Variants in CLSTN2 observed in about 807,000 individuals in gnomAD.
The protein encoded by CLSTN2 is calsyntenin 2.
In CLSTN2, 48 loss-of-function variants were observed where a neutral mutation model predicts 101.2. That is an observed-to-expected ratio of 0.47 (90% confidence interval 0.38 to 0.60). The LOEUF (loss-of-function observed/expected upper bound fraction) is 0.60, where lower values mean the gene tolerates loss of function less well. Among genes scored for constraint, CLSTN2 ranks in the 20% least tolerant of loss-of-function variants. CLSTN2 has a pLI of 0.00. For synonymous variants in CLSTN2, 481 were observed against 463.6 expected, an observed-to-expected ratio of 1.04 and a Z score of -0.48; for missense variants, 1,160 against 1,238.2, an observed-to-expected ratio of 0.94 and a Z score of 0.95.
intron 1 of CLSTN2, among the ~76,000 whole-genome samples, chr3:140,174,137 C>T (rs1362696588): frequency 1.3e-5 from 2 of 152,210 alleles, no homozygotes; most frequent in South Asian, 2.1e-4. Flanking sequence ...CCCAAGTCAT[C>T]TCTTGAATGC....
intron 1 of CLSTN2, among the ~76,000 whole-genome samples, chr3:140,137,699 T>C (rs2009635876): frequency 6.6e-6 from 1 of 152,232 alleles, no homozygotes; most frequent in South Asian, 2.1e-4. Flanking sequence ...ATTTACATAA[T>C]GCTTTGCCGT....
intron 8 of CLSTN2, among the ~76,000 whole-genome samples, chr3:140,500,519 A>G (rs1004765076): frequency 6.6e-6 from 1 of 152,208 alleles, no homozygotes; most frequent in African/African-American, 2.4e-5. Context: ...TCTGAATCAG[A>G]GGAGTGTTGG....
chr3:140,325,508 A>C lies in CLSTN2; in HGVS notation c.233-78121A>C, dbSNP rs777643876. Among the ~76,000 whole-genome samples, 199 of 152,364 alleles carry C rather than the reference A, an allele frequency of 1.3e-3. 1 individual carries two copies. The highest frequency in any genetic ancestry group is 1.7e-3 in the Non-Finnish European group (118 of 68,038). The stretch of plus-strand genomic sequence containing the variant: ...TTAAGAAGCCAAATGTATTGTAAAA[A>C]GTAAAAGTGGAGGTTCCTCTTCAAA... On this transcript the variant is annotated intron_variant, in intron 2 of 16. Coordinates refer to ENST00000458420, the MANE Select transcript of CLSTN2 (RefSeq NM_022131.3).
intron 2 of CLSTN2, among the ~76,000 whole-genome samples, chr3:140,382,984 C>A (rs1391084061): frequency 2.6e-5 from 4 of 152,038 alleles, no homozygotes; most frequent in Non-Finnish European, 5.9e-5. Flanking sequence ...CAGACCACAG[C>A]AATAACCCTG....
chr3:140,241,902 CACATAT>C lies in CLSTN2; in HGVS notation c.232+65831_232+65836del, dbSNP rs1559816801. On this transcript the variant is annotated intron_variant, in intron 2 of 16. Transcript: ENST00000458420. ...ATATACACACACACACACACACACACACATATATATATATATATAATTTGACACAGA... is the reference window on the plus strand; with the variant it reads ...ATATACACACACACACACACACACACATATATATATATAATTTGACACAGA... Among the ~76,000 whole-genome samples the C allele has an allele frequency of 2.4e-4, 36 of 149,908 alleles. No individual in the cohort carries two copies. In the South Asian group the frequency reaches 3.0e-3, roughly 12 times the overall value.
In CLSTN2 at chr3:140,503,079, T is replaced by A. The variant is rs149297956; in HGVS notation, c.1345-29245T>A. On this transcript the variant is annotated intron_variant, in intron 8 of 16. Coordinates refer to ENST00000458420, the MANE Select transcript of CLSTN2 (RefSeq NM_022131.3). The stretch of plus-strand genomic sequence containing the variant: ...ATCTTTAAGGTCAGCCACTGCATTA[T>A]TCAACCTCTTCTTCATTCATCACAT... 2.4e-4 allele frequency among the ~76,000 whole-genome samples: 37 copies of A among 152,292 alleles called. No individual in the cohort carries two copies. In the East Asian group the frequency reaches 4.8e-3, roughly 20 times the overall value.
intron 1 of CLSTN2, among the ~76,000 whole-genome samples, chr3:139,948,217 C>T (rs58598848): frequency 0.036 from 5,530 of 152,142 alleles, 317 homozygotes; most frequent in African/African-American, 0.12. Flanking sequence ...TAAAATACTA[C>T]CCATAATGGA....
intron 1 of CLSTN2, among the ~76,000 whole-genome samples, chr3:140,120,212 C>T (rs2009316702): frequency 6.6e-6 from 1 of 152,168 alleles, no homozygotes; most frequent in Non-Finnish European, 1.5e-5. Flanking sequence ...ACTTCTGACC[C>T]AACCCACTTC....
chr3:140,172,343 A>T lies in CLSTN2; in HGVS notation c.110-3608A>T, dbSNP rs539253192. On this transcript the variant is annotated intron_variant, in intron 1 of 16. Coordinates refer to ENST00000458420, the MANE Select transcript of CLSTN2 (RefSeq NM_022131.3). ...GTGCAGAATAGAATGGAGTAGGGCAAGATTTCCAATGGAGAGACCAGTCAG... is the reference window on the plus strand; with the variant it reads ...GTGCAGAATAGAATGGAGTAGGGCATGATTTCCAATGGAGAGACCAGTCAG... 5.9e-5 allele frequency among the ~76,000 whole-genome samples: 9 copies of T among 152,200 alleles called. No individual in the cohort carries two copies. The South Asian group carries it at 1.9e-3, about 32-fold the overall frequency.
chr3:140,537,880 G>A (rs564234719), intron 9 of CLSTN2, among the ~76,000 whole-genome samples: 1 of 152,290 alleles, frequency 6.6e-6, no homozygotes, highest in South Asian at 2.1e-4. Context: ...GTGCAAGGGA[G>A]TGAGTCAGGT....
At chr3:140,227,476 T>A (rs1210594230) in intron 2 of CLSTN2, among the ~76,000 whole-genome samples, 2 of 152,174 alleles carry the variant, frequency 1.3e-5, no homozygotes, top group Non-Finnish European at 2.9e-5. Flanking sequence ...TGGGCTGGCA[T>A]TGAGTGTTGG....
At chr3:140,564,265 G>C in intron 16 of CLSTN2, 120 bp downstream of exon 16, 2 of 819,016 alleles carry the variant, frequency 2.4e-6, no homozygotes, top group Admixed American at 2.3e-5. Context: ...GCCCCATCTA[G>C]TCCAGCTCCA....
chr3:140,288,501 G>C (rs1028939475), intron 2 of CLSTN2, among the ~76,000 whole-genome samples: 4 of 152,146 alleles, frequency 2.6e-5, no homozygotes, highest in Non-Finnish European at 5.9e-5. Context: ...AGTGCTACTT[G>C]AGAAAAAGTG....
chr3:140,554,663 A>C (rs1935763630), intron 10 of CLSTN2, among the ~76,000 whole-genome samples: 1 of 152,250 alleles, frequency 6.6e-6, no homozygotes, highest in Non-Finnish European at 1.5e-5. Flanking sequence ...ACTTGTAGTG[A>C]TGTATCCTAC....
chr3:140,208,311 C>T (rs578011911), intron 2 of CLSTN2, among the ~76,000 whole-genome samples: 1 of 152,198 alleles, frequency 6.6e-6, no homozygotes, highest in African/African-American at 2.4e-5. Flanking sequence ...TTAATAGAAA[C>T]AGTTTACTGC....
In CLSTN2 at chr3:140,513,733, T is replaced by TG. The variant is rs558992159; in HGVS notation, c.1345-18589dup. The stretch of plus-strand genomic sequence containing the variant: ...TGGTACCAGCTCTTCTTTGTACCTC[T>TG]GGTAGAATTTAGATGTAAATCTGTC... On this transcript the variant is annotated intron_variant, in intron 8 of 16. Coordinates refer to ENST00000458420, the MANE Select transcript of CLSTN2 (RefSeq NM_022131.3). Among the ~76,000 whole-genome samples, 16 of 152,246 alleles carry TG rather than the reference T, an allele frequency of 1.1e-4. No individual in the cohort carries two copies. The South Asian group carries it at 3.3e-3, about 32-fold the overall frequency.
At chr3:140,546,812 AGC>A in intron 10 of CLSTN2, 131 bp downstream of exon 10, 1 of 822,750 alleles carries the variant, frequency 1.2e-6, no homozygotes, top group Admixed American at 3.1e-5. Context: ...GCAAAGGTGC[AGC>A]CACGAGATGG....
At chr3:140,245,388 G>A (rs2086507132) in intron 2 of CLSTN2, among the ~76,000 whole-genome samples, 1 of 147,930 alleles carries the variant, frequency 6.8e-6, no homozygotes, top group African/African-American at 2.7e-5. Flanking sequence ...AGAAGACCAA[G>A]CACCATCCCC....
At position 140,566,383 on chromosome 3, in the gene CLSTN2, GCCCACCCTTT is replaced by G; in HGVS notation, c.*131_*140del. On this transcript the variant is annotated 3_prime_UTR_variant, in exon 17 of 17. Coordinates refer to ENST00000458420, the MANE Select transcript of CLSTN2 (RefSeq NM_022131.3). Reference sequence around the variant, plus strand: ...GGAAGGCCTTCTCCAGCTTCCTGGAGCCCACCCTTTAAGCCTTGGGCACTCCCTGTGTTTC... The same window carrying G: ...GGAAGGCCTTCTCCAGCTTCCTGGAGAAGCCTTGGGCACTCCCTGTGTTTC... 3 of 930,458 alleles carry G rather than the reference GCCCACCCTTT, an allele frequency of 3.2e-6. No individual in the cohort carries two copies. Among genetic ancestry groups the G allele is most frequent in the Non-Finnish European group, 4.9e-6 (3 of 606,164 alleles). The allele number at this position is 930,458 out of a possible 1,614,324, so 57.6% of individuals were successfully genotyped here.
Sources: gnomAD v4.1 joint callset for allele counts (sites outside exome capture counted in the v4.1 genomes callset) on GRCh38, gnomAD v4.1.1 for gene constraint, MANE v1.5 for transcripts, NCBI Gene and HGNC (gene_info 2026-07-23, HGNC 2026-07-21) for gene names.